The following PLPPR1 variants were observed in gnomAD, a reference collection of about 807,000 sequenced individuals.
PLPPR1 encodes phospholipid phosphatase-related protein type 1.
PLPPR1 carries 10 observed loss-of-function variants against 33.1 expected under a neutral mutation model. The ratio of observed to expected loss-of-function variants is 0.30; its 90% CI spans 0.19 to 0.51. The LOEUF (loss-of-function observed/expected upper bound fraction) is 0.51, where lower values mean the gene tolerates loss of function less well. Ranked by LOEUF, PLPPR1 falls within the 20% of genes least tolerant of loss-of-function variation. The pLI is 0.97. For synonymous variants in PLPPR1, 151 were observed against 151.0 expected, an observed-to-expected ratio of 1.00 and a Z score of 0.00; for missense variants, 304 against 408.1, an observed-to-expected ratio of 0.74 and a Z score of 2.20.
At chr9:101,199,786 C>A (rs993396551) in intron 2 of PLPPR1, among the ~76,000 whole-genome samples, 6 of 152,122 alleles carry the variant, frequency 3.9e-5, no homozygotes, top group African/African-American at 1.2e-4. Flanking sequence ...CACTAGCACA[C>A]TTTTTTCATA....
At chr9:101,080,936 T>C (rs1306807363) in intron 1 of PLPPR1, among the ~76,000 whole-genome samples, 2 of 152,166 alleles carry the variant, frequency 1.3e-5, no homozygotes, top group Admixed American at 6.5e-5. Flanking sequence ...ATCATCTTTC[T>C]CCCTTTCAGA....
At chr9:101,238,374 T>G (rs2118840779) in intron 2 of PLPPR1, among the ~76,000 whole-genome samples, 1 of 145,056 alleles carries the variant, frequency 6.9e-6, no homozygotes, top group Non-Finnish European at 1.5e-5. Flanking sequence ...TGGGTATATA[T>G]ATAGGGTATA....
intron 1 of PLPPR1, among the ~76,000 whole-genome samples, chr9:101,157,665 A>G (rs1831713576): frequency 6.6e-6 from 1 of 152,144 alleles, no homozygotes; most frequent in African/African-American, 2.4e-5. Context: ...CAGAAATGTA[A>G]GAGGCAAATC....
intron 3 of PLPPR1, among the ~76,000 whole-genome samples, chr9:101,281,701 G>T (rs1484465881): frequency 6.6e-6 from 1 of 151,910 alleles, no homozygotes; most frequent in East Asian, 1.9e-4. Flanking sequence ...CTTTAGACAA[G>T]AAAAAAGAGA....
intron 1 of PLPPR1, among the ~76,000 whole-genome samples, chr9:101,114,682 G>C (rs1831098300): frequency 6.6e-6 from 1 of 152,118 alleles, no homozygotes; most frequent in Non-Finnish European, 1.5e-5. Context: ...AGCAACAGTG[G>C]AAAAGGGATT....
At position 101,085,654 on chromosome 9, in the gene PLPPR1, A is replaced by C. The variant is rs111341637; in HGVS notation, c.-46+56552A>C. 1.5e-3 allele frequency among the ~76,000 whole-genome samples: 234 copies of C among 152,338 alleles called. 2 individuals carry two copies. Among genetic ancestry groups the C allele is most frequent in the African/African-American group, 5.4e-3 (225 of 41,576 alleles). On this transcript the variant is annotated intron_variant, in intron 1 of 7. Transcript: ENST00000374874. ...TTGGAAGTGAAGTCATAATTCATTAACTTTTGCCAGAAAGTTTTTAGAAAA... is the reference window on the plus strand; with the variant it reads ...TTGGAAGTGAAGTCATAATTCATTACCTTTTGCCAGAAAGTTTTTAGAAAA...
intron 2 of PLPPR1, among the ~76,000 whole-genome samples, chr9:101,216,050 T>C (rs1826787923): frequency 6.6e-6 from 1 of 152,186 alleles, no homozygotes; most frequent in African/African-American, 2.4e-5. Flanking sequence ...TTTTAGTTTT[T>C]TTGAGGAACC....
intron 4 of PLPPR1, among the ~76,000 whole-genome samples, chr9:101,296,340 C>T (rs1842607972): frequency 6.6e-6 from 1 of 151,804 alleles, no homozygotes; most frequent in Non-Finnish European, 1.5e-5. Flanking sequence ...AACACTTTTA[C>T]ACTGTTGGTG....
chr9:101,297,930 C>G (rs973991907), intron 4 of PLPPR1, among the ~76,000 whole-genome samples: 1 of 152,116 alleles, frequency 6.6e-6, no homozygotes, highest in African/African-American at 2.4e-5. Flanking sequence ...AAGGAAGTTA[C>G]ATTTTCCAAA....
In PLPPR1 at chr9:101,162,807, G is replaced by A. The variant is rs117108402; in HGVS notation, c.-45-22643G>A. Among the ~76,000 whole-genome samples the A allele has an allele frequency of 1.6e-3, 241 of 152,282 alleles. 5 individuals are homozygous for A. The East Asian group carries it at 0.04, about 25-fold the overall frequency. ...TGTCCAGATGGGTTTGTTCTGTGCT[G>A]TGGGGAATGCAGTTAATTAAGGCCT... On this transcript the variant is annotated intron_variant, in intron 1 of 7. Coordinates refer to ENST00000374874, the MANE Select transcript of PLPPR1 (RefSeq NM_207299.2).
At position 101,098,595 on chromosome 9, in the gene PLPPR1, G is replaced by T. The variant is rs370173592; in HGVS notation, c.-46+69493G>T. On this transcript the variant is annotated intron_variant, in intron 1 of 7. Transcript: ENST00000374874. ...AGGGGTCATCAACATGTGAATGGTG[G>T]GTAAAAGAAGAGAAAGGGAAATGAA... 5.3e-5 allele frequency among the ~76,000 whole-genome samples: 8 copies of T among 152,170 alleles called. No homozygotes were observed. The South Asian group carries it at 1.0e-3, about 20-fold the overall frequency.
At chr9:101,282,260 A>T (rs1184185028) in intron 3 of PLPPR1, among the ~76,000 whole-genome samples, 1 of 152,240 alleles carries the variant, frequency 6.6e-6, no homozygotes, top group Non-Finnish European at 1.5e-5. Flanking sequence ...ATGGTTCAAC[A>T]TACACAAATC....
At chr9:101,273,260 C>T (rs1484301565) in intron 3 of PLPPR1, among the ~76,000 whole-genome samples, 2 of 152,130 alleles carry the variant, frequency 1.3e-5, no homozygotes, top group African/African-American at 4.8e-5. Context: ...TGGTGAATTG[C>T]ATCTGTTCTC....
In PLPPR1 at chr9:101,141,309, A is replaced by G. The variant is rs576511118; in HGVS notation, c.-45-44141A>G. Among the ~76,000 whole-genome samples, 5 of 152,312 alleles carry G rather than the reference A, an allele frequency of 3.3e-5. No homozygotes were observed. In the East Asian group the frequency reaches 9.6e-4, roughly 29 times the overall value. On this transcript the variant is annotated intron_variant, in intron 1 of 7. Transcript: ENST00000374874. The stretch of plus-strand genomic sequence containing the variant: ...ATTCTTAATGACTAGGAGGGTTGAT[A>G]TAACAAAAATAGCTGTAATTTATTG...
intron 3 of PLPPR1, among the ~76,000 whole-genome samples, chr9:101,272,087 TA>T (rs1564023363): frequency 6.6e-6 from 1 of 152,174 alleles, no homozygotes; most frequent in Non-Finnish European, 1.5e-5. Context: ...AAGTTGTATA[TA>T]CAATTCTGTG....
chr9:101,218,892 G>A (rs561553544), intron 2 of PLPPR1, among the ~76,000 whole-genome samples: 22 of 152,310 alleles, frequency 1.4e-4, no homozygotes, highest in African/African-American at 4.3e-4. Context: ...GCTAAGGAAA[G>A]TCACAGAGAC....
intron 1 of PLPPR1, among the ~76,000 whole-genome samples, chr9:101,129,532 A>T (rs1286652433): frequency 6.6e-6 from 1 of 152,120 alleles, no homozygotes; most frequent in East Asian, 1.9e-4. Context: ...AGCAATAGCA[A>T]TAAAAAAAAA....
intron 2 of PLPPR1, 95 bp downstream of exon 2, chr9:101,185,652 ATTGGT>A: frequency 1.3e-6 from 1 of 743,386 alleles, no homozygotes. Context: ...TAATTTTATG[ATTGGT>A]AAGTCAATTT....
chr9:101,283,063 C>T (rs1828331731), intron 3 of PLPPR1, among the ~76,000 whole-genome samples: 1 of 152,078 alleles, frequency 6.6e-6, no homozygotes, highest in Non-Finnish European at 1.5e-5. Context: ...TCTTGAACTC[C>T]TGGCCTCAAG....
Sources: gnomAD v4.1 joint callset for allele counts (sites outside exome capture counted in the v4.1 genomes callset) on GRCh38, gnomAD v4.1.1 for gene constraint, MANE v1.5 for transcripts, NCBI Gene and HGNC (gene_info 2026-07-23, HGNC 2026-07-21) for gene names.